Variants in KAZN observed in about 807,000 individuals in gnomAD.
KAZN encodes kazrin.
KAZN carries 40 observed loss-of-function variants against 87.4 expected under a neutral mutation model. The observed-to-expected ratio is 0.46, with a 90% confidence interval of 0.36 to 0.60. KAZN has a LOEUF of 0.60. Among genes scored for constraint, KAZN ranks in the 20% least tolerant of loss-of-function variants. The pLI is 0.00. For synonymous variants in KAZN, 466 were observed against 458.3 expected (o/e 1.02, Z -0.22); for missense variants, 898 against 1,073.9 (o/e 0.84, Z 2.29).
intron 1 of KAZN, among the ~76,000 whole-genome samples, chr1:14,042,036 G>T (rs1050831273): frequency 6.6e-6 from 1 of 152,098 alleles, no homozygotes; most frequent in African/African-American, 2.4e-5. Flanking sequence ...CTTAGTGTGG[G>T]TTGGGCTTAT....
At chr1:14,345,215 G>GCCCAT in intron 2 of KAZN, among the ~76,000 whole-genome samples, 1 of 151,912 alleles carries the variant, frequency 6.6e-6, no homozygotes, top group Non-Finnish European at 1.5e-5. Flanking sequence ...ACCACGCCAG[G>GCCCAT]CCCATCCCCT....
intron 1 of KAZN, among the ~76,000 whole-genome samples, chr1:14,668,612 CTCT>C (rs1639724697): frequency 6.6e-6 from 1 of 152,110 alleles, no homozygotes; most frequent in Admixed American, 6.5e-5. Flanking sequence ...CACTTCCTCT[CTCT>C]TCTTCTCTGT....
Position 14,486,614 on chromosome 1 carries a change from T to G in KAZN, c.250-112369T>G, listed in dbSNP as rs546163048. ...ACTTTAATAGCCTGTACATTTAAGA[T>G]CCACAAAAGATAATGCGTAGTGAAG... On this transcript the variant is annotated intron_variant, in intron 2 of 16. Transcript: ENST00000636203. Among the ~76,000 whole-genome samples the G allele has an allele frequency of 2.6e-4, 40 of 152,332 alleles. 1 individual carries two copies. The highest frequency in any genetic ancestry group is 9.4e-4 in the African/African-American group (39 of 41,582).
chr1:14,298,751 A>G (rs1654314054), intron 2 of KAZN, among the ~76,000 whole-genome samples: 1 of 152,218 alleles, frequency 6.6e-6, no homozygotes, highest in African/African-American at 2.4e-5. Context: ...CCCCTTTATT[A>G]AACTTGAATG....
At chr1:14,668,761 C>T (rs1289583759) in intron 1 of KAZN, among the ~76,000 whole-genome samples, 6 of 152,238 alleles carry the variant, frequency 3.9e-5, no homozygotes, top group Admixed American at 6.5e-5. Context: ...GTCATCTCCC[C>T]TTCTGCGACA....
chr1:14,475,725 A>C (rs1427880096), intron 2 of KAZN, among the ~76,000 whole-genome samples: 2 of 152,234 alleles, frequency 1.3e-5, no homozygotes, highest in Admixed American at 6.5e-5. Context: ...GTATGTGTGA[A>C]TAATTAAACT....
intron 1 of KAZN, among the ~76,000 whole-genome samples, chr1:14,765,829 G>A (rs147065547): frequency 6.6e-6 from 1 of 152,350 alleles, no homozygotes; most frequent in Non-Finnish European, 1.5e-5. Flanking sequence ...GCTGCCGAAA[G>A]GAGGCAGCTG....
intron 1 of KAZN, among the ~76,000 whole-genome samples, chr1:13,897,003 A>G (rs1639069474): frequency 6.6e-6 from 1 of 152,186 alleles, no homozygotes; most frequent in Non-Finnish European, 1.5e-5. Context: ...GGCCATGGGA[A>G]GAGCATGTGG....
intron 1 of KAZN, among the ~76,000 whole-genome samples, chr1:14,009,832 T>A (rs902018779): frequency 2.7e-4 from 41 of 152,308 alleles, no homozygotes; most frequent in African/African-American, 9.4e-4. Context: ...GTGCAGAATG[T>A]TGCAGTCATA....
At chr1:15,090,491 A>G (rs1018685743) in intron 8 of KAZN, among the ~76,000 whole-genome samples, 7 of 152,228 alleles carry the variant, frequency 4.6e-5, no homozygotes, top group African/African-American at 1.4e-4. Context: ...GCCGGGCACC[A>G]GCACTGGCTG....
At chr1:14,776,948 A>C (rs1183942099) in intron 1 of KAZN, among the ~76,000 whole-genome samples, 1 of 151,424 alleles carries the variant, frequency 6.6e-6, no homozygotes, top group East Asian at 1.9e-4. Context: ...AAAAAAAAAA[A>C]AAAAAAAGAG....
chr1:14,299,528 A>AAAAGG (rs1654380768), intron 2 of KAZN, among the ~76,000 whole-genome samples: 1 of 152,158 alleles, frequency 6.6e-6, no homozygotes, highest in Admixed American at 6.6e-5. Context: ...AAAAGAAAAG[A>AAAAGG]ATTAGACTGT....
rs112891851 is a variant in KAZN, at chr1:14,037,428, C to T, written c.92-143007C>T. Among the ~76,000 whole-genome samples the T allele has an allele frequency of 6.4e-3, 970 of 152,320 alleles. 5 individuals are homozygous for T. The highest frequency in any genetic ancestry group is 0.022 in the African/African-American group (928 of 41,580). ...GCTTTCGTATAAAGCGGAGAAATCT[C>T]TGCACTGACTCTTGTCTGAAGCTAT... On this transcript the variant is annotated intron_variant, in intron 1 of 16. Transcript: ENST00000636203.
chr1:14,982,950 C>A (rs1238623767), intron 2 of KAZN, among the ~76,000 whole-genome samples: 2 of 152,226 alleles, frequency 1.3e-5, no homozygotes, highest in Non-Finnish European at 2.9e-5. Flanking sequence ...CTGGCTGGAA[C>A]CTCTCCACCT....
intron 1 of KAZN, among the ~76,000 whole-genome samples, chr1:14,681,611 GTGTATATATATATATA>G (rs1228531785): frequency 1.1e-3 from 36 of 33,878 alleles, no homozygotes; most frequent in Middle Eastern, 0.033. Flanking sequence ...ATATGTATAT[GTGTATATATATATATA>G]TATATATATA....
intron 1 of KAZN, among the ~76,000 whole-genome samples, chr1:14,947,247 G>A (rs1048972519): frequency 1.3e-5 from 2 of 152,210 alleles, no homozygotes; most frequent in African/African-American, 4.8e-5. Flanking sequence ...TTTTCCTCTT[G>A]GGGTGTTGGT....
At chr1:14,572,073 A>T (rs559579135) in intron 2 of KAZN, among the ~76,000 whole-genome samples, 1 of 152,210 alleles carries the variant, frequency 6.6e-6, no homozygotes, top group Non-Finnish European at 1.5e-5. Flanking sequence ...TACTTCTTGC[A>T]TCGTTCCCAC....
chr1:14,539,731 G>A (rs575355569), intron 2 of KAZN, among the ~76,000 whole-genome samples: 2 of 151,232 alleles, frequency 1.3e-5, no homozygotes, highest in South Asian at 2.1e-4. Context: ...AAAAAAAAAC[G>A]CCAGACGTTT....
intron 2 of KAZN, among the ~76,000 whole-genome samples, chr1:14,998,654 T>C (rs893082771): frequency 5.9e-5 from 9 of 152,192 alleles, no homozygotes; most frequent in Non-Finnish European, 1.0e-4. Context: ...GTTCAAGCCA[T>C]TCTCCTGCCT....
Sources: gnomAD v4.1 joint callset for allele counts (sites outside exome capture counted in the v4.1 genomes callset) on GRCh38, gnomAD v4.1.1 for gene constraint, MANE v1.5 for transcripts, NCBI Gene and HGNC (gene_info 2026-07-23, HGNC 2026-07-21) for gene names.